The following ZNF804B variants were observed in gnomAD, a reference collection of about 807,000 sequenced individuals.
The protein encoded by ZNF804B is zinc finger protein 804B.
In ZNF804B, 80 loss-of-function variants were observed where a neutral mutation model predicts 101.4. The observed-to-expected ratio is 0.79, with a 90% CI of 0.66 to 0.95. The LOEUF (loss-of-function observed/expected upper bound fraction) is 0.95, where lower values mean the gene tolerates loss of function less well. ZNF804B is among the 40% of genes least tolerant of loss of function. The pLI, the probability that ZNF804B is intolerant of heterozygous loss-of-function variation, is 0.00. For missense variants in ZNF804B, 1,673 were observed against 1,561.9 expected, an observed-to-expected ratio of 1.07 and a Z score of -1.20; for synonymous variants, 622 against 558.8, an observed-to-expected ratio of 1.11 and a Z score of -1.59.
intron 1 of ZNF804B, among the ~76,000 whole-genome samples, chr7:88,945,531 C>T (rs1486371619): frequency 6.6e-6 from 1 of 152,062 alleles, no homozygotes; most frequent in Non-Finnish European, 1.5e-5. Context: ...CATGATTCCT[C>T]CAGCTTTGTT....
At chr7:89,052,481 T>C (rs866620427) in intron 1 of ZNF804B, among the ~76,000 whole-genome samples, 1 of 152,148 alleles carries the variant, frequency 6.6e-6, no homozygotes, top group South Asian at 2.1e-4. Flanking sequence ...ATTTTCATTA[T>C]TATAGATTTT....
chr7:89,168,135 T>C (rs1013282200), intron 1 of ZNF804B, among the ~76,000 whole-genome samples: 2 of 152,090 alleles, frequency 1.3e-5, no homozygotes, highest in African/African-American at 4.8e-5. Context: ...CAGTACTCTT[T>C]CTCAGAACGG....
chr7:89,051,821 A>C (rs1275766846), intron 1 of ZNF804B, among the ~76,000 whole-genome samples: 4 of 152,148 alleles, frequency 2.6e-5, no homozygotes, highest in Non-Finnish European at 5.9e-5. Flanking sequence ...CCTGTCTTCC[A>C]CATCTCTTAC....
chr7:89,264,315 T>G (rs1177801936), intron 2 of ZNF804B, among the ~76,000 whole-genome samples: 1 of 152,202 alleles, frequency 6.6e-6, no homozygotes, highest in Non-Finnish European at 1.5e-5. Flanking sequence ...TGTCTTCATT[T>G]TACAGCCAAT....
At chr7:88,834,319 G>A (rs1791176635) in intron 1 of ZNF804B, among the ~76,000 whole-genome samples, 1 of 151,752 alleles carries the variant, frequency 6.6e-6, no homozygotes, top group Non-Finnish European at 1.5e-5. Flanking sequence ...ATTATAACCA[G>A]GAGTGTAGCT....
At position 89,103,546 on chromosome 7, in the gene ZNF804B, A is replaced by G. The variant is rs945001296; in HGVS notation, c.109-114609A>G. 2.0e-5 allele frequency among the ~76,000 whole-genome samples: 3 copies of G among 151,712 alleles called. No individual in the cohort carries two copies. The South Asian group carries it at 6.2e-4, about 31-fold the overall frequency. ...TGATTTGGTTTTCACCTTGAATGCTATTGGTGTACAGAAGTGCTACTGATT... is the reference window on the plus strand; with the variant it reads ...TGATTTGGTTTTCACCTTGAATGCTGTTGGTGTACAGAAGTGCTACTGATT... On this transcript the variant is annotated intron_variant, in intron 1 of 3. Coordinates refer to ENST00000333190, the MANE Select transcript of ZNF804B (RefSeq NM_181646.5).
At chr7:89,067,828 CT>C (rs112256863) in intron 1 of ZNF804B, among the ~76,000 whole-genome samples, 138 of 132,722 alleles carry the variant, frequency 1.0e-3, no homozygotes, top group Admixed American at 1.7e-3. Flanking sequence ...CTTTTCTTTT[CT>C]TTTTTTTTTT....
chr7:88,871,551 T>C (rs1007461546), intron 1 of ZNF804B, among the ~76,000 whole-genome samples: 12 of 151,826 alleles, frequency 7.9e-5, no homozygotes, highest in African/African-American at 2.7e-4. Context: ...CACTATACTT[T>C]AGTGGAACTG....
intron 1 of ZNF804B, among the ~76,000 whole-genome samples, chr7:88,958,195 A>G (rs927982876): frequency 6.6e-6 from 1 of 151,450 alleles, no homozygotes; most frequent in African/African-American, 2.4e-5. Flanking sequence ...AGAAATTCAA[A>G]TGATAATGAC....
intron 1 of ZNF804B, among the ~76,000 whole-genome samples, chr7:89,003,608 G>A (rs1015344679): frequency 2.6e-5 from 4 of 151,888 alleles, no homozygotes; most frequent in Non-Finnish European, 5.9e-5. Flanking sequence ...ATTTATTGAT[G>A]AAGAAACTAA....
At chr7:89,193,049 T>C (rs994463705) in intron 1 of ZNF804B, among the ~76,000 whole-genome samples, 5 of 152,026 alleles carry the variant, frequency 3.3e-5, no homozygotes, top group Admixed American at 1.3e-4. Flanking sequence ...TCATACTGAA[T>C]GGGCAAAAGC....
At chr7:89,276,175 T>A (rs552195158) in intron 2 of ZNF804B, among the ~76,000 whole-genome samples, 2 of 151,380 alleles carry the variant, frequency 1.3e-5, no homozygotes, top group Middle Eastern at 3.4e-3. Flanking sequence ...GTGGCAAGGG[T>A]GTGAGGGTAG....
intron 1 of ZNF804B, among the ~76,000 whole-genome samples, chr7:88,763,016 A>T (rs1789922149): frequency 6.6e-6 from 1 of 152,178 alleles, no homozygotes. Flanking sequence ...GAAAGGAGAA[A>T]GCTACAATCC....
At chr7:89,291,093 A>C (rs1790282817) in intron 2 of ZNF804B, among the ~76,000 whole-genome samples, 1 of 152,184 alleles carries the variant, frequency 6.6e-6, no homozygotes, top group African/African-American at 2.4e-5. Context: ...GTCCCACCTA[A>C]TACAGATACA....
At chr7:88,852,565 C>T (rs1791463702) in intron 1 of ZNF804B, among the ~76,000 whole-genome samples, 1 of 152,018 alleles carries the variant, frequency 6.6e-6, no homozygotes, top group African/African-American at 2.4e-5. Flanking sequence ...GCTGACTCTC[C>T]AAGACACACA....
intron 1 of ZNF804B, among the ~76,000 whole-genome samples, chr7:89,108,234 TTC>T (rs1554365348): frequency 1.4e-3 from 142 of 99,450 alleles, no homozygotes; most frequent in African/African-American, 4.8e-3. Flanking sequence ...TTTTTTTTTT[TTC>T]TTTTCTTCCA....
At chr7:88,946,968 C>A (rs1349189116) in intron 1 of ZNF804B, among the ~76,000 whole-genome samples, 1 of 151,878 alleles carries the variant, frequency 6.6e-6, no homozygotes, top group Non-Finnish European at 1.5e-5. Context: ...TAATGAGATA[C>A]CATCTCACGC....
At chr7:89,324,340 T>A (rs1474165330) in intron 2 of ZNF804B, among the ~76,000 whole-genome samples, 1 of 151,926 alleles carries the variant, frequency 6.6e-6, no homozygotes, top group African/African-American at 2.4e-5. Context: ...CTTACAGTGA[T>A]ATGGCCCCCC....
intron 1 of ZNF804B, among the ~76,000 whole-genome samples, chr7:88,783,883 A>G (rs1039916968): frequency 6.6e-6 from 1 of 152,152 alleles, no homozygotes; most frequent in African/African-American, 2.4e-5. Flanking sequence ...TCATTTTGTT[A>G]TGAATGTCAT....
Sources: gnomAD v4.1 joint callset for allele counts (sites outside exome capture counted in the v4.1 genomes callset) on GRCh38, gnomAD v4.1.1 for gene constraint, MANE v1.5 for transcripts, NCBI Gene and HGNC (gene_info 2026-07-23, HGNC 2026-07-21) for gene names.